The following STX7 variants were observed in gnomAD, a reference collection of about 807,000 sequenced individuals.
STX7 encodes the protein syntaxin-7.
Under a neutral mutation model 39.6 loss-of-function variants are expected in STX7, and 34 were observed. That is an observed-to-expected ratio of 0.86 (90% CI 0.65 to 1.14). STX7 has a LOEUF of 1.14. Among genes scored for constraint, STX7 ranks in the 50% most tolerant of loss-of-function variants. STX7 has a pLI of 0.00. For synonymous variants in STX7, 119 were observed against 99.1 expected (o/e 1.20, Z -1.19); for missense variants, 284 against 310.4 (o/e 0.92, Z 0.64).
intron 2 of STX7, among the ~76,000 whole-genome samples, chr6:132,491,120 C>CA (rs112995228): frequency 0.21 from 31,098 of 148,468 alleles, 3,285 homozygotes; most frequent in South Asian, 0.24. Context: ...CATTGAAAAA[C>CA]AAAAAAAAAT....
At chr6:132,497,846 T>C (rs960813854) in intron 2 of STX7, among the ~76,000 whole-genome samples, 4 of 152,360 alleles carry the variant, frequency 2.6e-5, no homozygotes, top group African/African-American at 4.8e-5. Flanking sequence ...TAAACAGGCA[T>C]AGATGTTGCT....
intron 1 of STX7, among the ~76,000 whole-genome samples, chr6:132,507,375 T>TA (rs1353261806): frequency 6.6e-6 from 1 of 152,252 alleles, no homozygotes; most frequent in African/African-American, 2.4e-5. Flanking sequence ...CAATGGTTTT[T>TA]AATATATTTA....
At chr6:132,489,338 T>C (rs935096088) in intron 2 of STX7, among the ~76,000 whole-genome samples, 10 of 152,090 alleles carry the variant, frequency 6.6e-5, no homozygotes, top group African/African-American at 2.4e-4. Context: ...CCAGGTTCGT[T>C]ATAGGGTACA....
At chr6:132,505,446 T>C (rs6906663) in intron 1 of STX7, among the ~76,000 whole-genome samples, 12,261 of 152,252 alleles carry the variant, frequency 0.081, 660 homozygotes, top group East Asian at 0.16. Flanking sequence ...AAAGTCCTGG[T>C]GGCTTTTAGA....
In STX7 at chr6:132,447,733, C is replaced by T. The variant is rs916146579; in HGVS notation, c.*13025G>A. On this transcript the variant is annotated 3_prime_UTR_variant, in exon 10 of 10. Coordinates refer to ENST00000367941, the MANE Select transcript of STX7 (RefSeq NM_003569.3). ...CAGCTATCCTAACCAGGTATATTTG[C>T]TTGTTTTATTTTCCCTAATTCTACT... 6.6e-6 allele frequency: 1 copy of T among 151,968 alleles called. No homozygotes were observed. The highest frequency in any genetic ancestry group is 1.5e-5 in the Non-Finnish European group (1 of 67,968). 9.4% of individuals were successfully genotyped at this position (151,968 alleles called of 1,614,324 possible).
intron 1 of STX7, among the ~76,000 whole-genome samples, chr6:132,509,323 G>A (rs891322388): frequency 6.6e-6 from 1 of 151,982 alleles, no homozygotes; most frequent in East Asian, 1.9e-4. Flanking sequence ...GTGGTGGCAT[G>A]CGCCTGTAGT....
In STX7 at chr6:132,479,218, C is replaced by G. The variant is rs1774953526; in HGVS notation, c.86-3556G>C. On this transcript the variant is annotated intron_variant, in intron 2 of 9. Coordinates refer to ENST00000367941, the MANE Select transcript of STX7 (RefSeq NM_003569.3). ...GCTGCTTCCACCCTTTACTGAATGA[C>G]CCAAAGGTTACCAGCTTTAGCTTCA... 1.3e-5 allele frequency among the ~76,000 whole-genome samples: 2 copies of G among 152,270 alleles called. 1 individual carries two copies. Among genetic ancestry groups the G allele is most frequent in the South Asian group, 4.1e-4 (2 of 4,824 alleles).
chr6:132,473,830 T>C (rs1462470946), intron 3 of STX7, among the ~76,000 whole-genome samples: 1 of 152,156 alleles, frequency 6.6e-6, no homozygotes, highest in Non-Finnish European at 1.5e-5. Flanking sequence ...TGTATTTGAC[T>C]GACAAAGGGT....
chr6:132,467,409 C>T (rs1474020801), intron 8 of STX7, among the ~76,000 whole-genome samples: 2 of 152,140 alleles, frequency 1.3e-5, no homozygotes. Flanking sequence ...AATTTCCACC[C>T]CTAGCAGTCC....
intron 2 of STX7, among the ~76,000 whole-genome samples, chr6:132,478,288 G>T (rs900672095): frequency 6.6e-6 from 1 of 152,096 alleles, no homozygotes. Flanking sequence ...ATTTTGCAAA[G>T]TACAAACAAG....
intron 1 of STX7, among the ~76,000 whole-genome samples, chr6:132,509,904 C>G (rs1417451823): frequency 6.6e-6 from 1 of 152,168 alleles, no homozygotes; most frequent in Non-Finnish European, 1.5e-5. Context: ...ATTACCTAGC[C>G]CAGAGCTGCT....
chr6:132,498,321 T>C (rs1301303154), intron 2 of STX7, among the ~76,000 whole-genome samples: 4 of 152,108 alleles, frequency 2.6e-5, no homozygotes, highest in Non-Finnish European at 4.4e-5. Flanking sequence ...CATTATAATA[T>C]GGTTTAAATG....
In STX7 at chr6:132,448,547, A is replaced by G. The variant is rs936092230; in HGVS notation, c.*12211T>C. 1 of 152,210 alleles carries G rather than the reference A, an allele frequency of 6.6e-6. No homozygotes were observed. Among genetic ancestry groups the G allele is most frequent in the Non-Finnish European group, 1.5e-5 (1 of 68,078 alleles). The allele number at this position is 152,210 out of a possible 1,614,324, so 9.4% of individuals were successfully genotyped here. On this transcript the variant is annotated 3_prime_UTR_variant, in exon 10 of 10. Coordinates refer to ENST00000367941, the MANE Select transcript of STX7 (RefSeq NM_003569.3). ...TTCCAGTTTTGGCACTGAAAAGTCT[A>G]CTGTTGGCCAGGTGCAGTGGCTCAT... is the stretch of plus-strand genomic sequence containing the variant.
At position 132,456,471 on chromosome 6, in the gene STX7, T is replaced by G. The variant is rs956513493; in HGVS notation, c.*4287A>C. The G allele has an allele frequency of 1.1e-4, 17 of 152,184 alleles. No homozygotes were observed. The highest frequency in any genetic ancestry group is 3.9e-4 in the African/African-American group (16 of 41,444). 9.4% of individuals were successfully genotyped at this position (152,184 alleles called of 1,614,324 possible). On this transcript the variant is annotated 3_prime_UTR_variant, in exon 10 of 10. Transcript: ENST00000367941. ...TCTTAGAACACTATGCCCAGGCATG[T>G]AGTAGCCTGGCAAAAAGCCGGCCCC...
intron 7 of STX7, among the ~76,000 whole-genome samples, chr6:132,469,400 T>C (rs947655644): frequency 1.3e-5 from 2 of 152,032 alleles, no homozygotes; most frequent in East Asian, 1.9e-4. Context: ...TGGCTTGATA[T>C]AACAATAATA....
chr6:132,503,520 G>T lies in STX7; in HGVS notation c.11C>A (p.Thr4Asn). 1 of 1,613,906 alleles carries T rather than the reference G, an allele frequency of 6.2e-7. No homozygotes were observed. Among genetic ancestry groups the T allele is most frequent in the African/African-American group, 1.3e-5 (1 of 75,046 alleles). Residue 4 changes from threonine (T) to asparagine (N), a missense_variant, in exon 2 of 10, where the codon ACT (threonine) becomes AAT (asparagine). Coordinates refer to ENST00000367941, the MANE Select transcript of STX7 (RefSeq NM_003569.3). Reference protein sequence around the residue: MSYTPGVGGDPAQL... With the variant: MSYNPGVGGDPAQL... ...GGCGGGGTCACCACCAACTCCTGGA[G>T]TGTAAGACATGGTTGATGTTCTTAT... is the stretch of plus-strand genomic sequence containing the variant.
intron 2 of STX7, among the ~76,000 whole-genome samples, chr6:132,490,901 G>A (rs147206578): frequency 6.1e-4 from 93 of 152,130 alleles, no homozygotes; most frequent in African/African-American, 2.1e-3. Context: ...GGGATGGAGC[G>A]GGAAGCCCTC....
intron 1 of STX7, among the ~76,000 whole-genome samples, chr6:132,504,272 G>T (rs73772515): frequency 6.6e-6 from 1 of 152,150 alleles, no homozygotes; most frequent in Non-Finnish European, 1.5e-5. Context: ...CAACTACTGC[G>T]AAGCAAATGT....
In STX7 at chr6:132,456,537, G is replaced by A. The variant is rs1056427717; in HGVS notation, c.*4221C>T. ...TAAGTATTTATTAAGCAACTACTACGGGAGGGAAGGAAGAAGGGAAGGAAG... is the reference window on the plus strand; with the variant it reads ...TAAGTATTTATTAAGCAACTACTACAGGAGGGAAGGAAGAAGGGAAGGAAG... On this transcript the variant is annotated 3_prime_UTR_variant, in exon 10 of 10. Coordinates refer to ENST00000367941, the MANE Select transcript of STX7 (RefSeq NM_003569.3). 8 of 152,168 alleles carry A rather than the reference G, an allele frequency of 5.3e-5. No individual in the cohort carries two copies. Among genetic ancestry groups the A allele is most frequent in the Admixed American group, 1.3e-4 (2 of 15,276 alleles). The allele number at this position is 152,168 out of a possible 1,614,324, so 9.4% of individuals were successfully genotyped here. A position where few individuals can be genotyped will look rare whatever the true frequency, so the allele number is the denominator to read the frequency against.
Sources: allele counts gnomAD v4.1 joint callset (sites outside exome capture counted in the v4.1 genomes callset), GRCh38; gene constraint gnomAD v4.1.1; transcripts MANE v1.5; gene names NCBI Gene and HGNC (gene_info 2026-07-23, HGNC 2026-07-21).